The following ZNF433 variants were observed in gnomAD, a reference collection of about 807,000 sequenced individuals.
ZNF433 encodes the protein zinc finger protein 433.
In ZNF433, 12 loss-of-function variants were observed where a neutral mutation model predicts 10.6. That is an observed-to-expected ratio of 1.13 (90% CI 0.72 to 1.83). ZNF433 has a LOEUF of 1.83. ZNF433 is among the 40% of genes most tolerant of loss of function. ZNF433 has a pLI of 0.00. For missense variants in ZNF433, 737 were observed against 798.0 expected (o/e 0.92, Z 0.92); for synonymous variants, 272 against 271.3 (o/e 1.00, Z -0.02).
intron 1 of ZNF433, chr19:12,026,318 T>C (rs1234593385): frequency 1.3e-5 from 3 of 228,748 alleles, no homozygotes; most frequent in East Asian, 2.7e-4. Context: ...TCAAGACTGA[T>C]GCTGAGGAGG....
chr19:12,016,428 A>T lies in ZNF433; in HGVS notation c.430T>A (p.Cys144Ser), dbSNP rs770533887. The change falls in exon 4 of 4, where the codon TGT (cysteine) becomes AGT (serine). Residue 144 changes from cysteine to serine, a missense_variant. Coordinates refer to ENST00000550507, the MANE Select transcript of ZNF433 (RefSeq NM_001308348.2). The part of the protein sequence containing the change: ...YGQKPYKCKY[C>S]KKPFNCLSSV... ...GAGAGACAGTTGAAAGGTTTTTTAC[A>T]GTATTTACATTTATATGGTTTCTGT... 1.1e-5 allele frequency: 17 copies of T among 1,614,092 alleles called. No homozygotes were observed. The highest frequency in any genetic ancestry group is 1.4e-5 in the Non-Finnish European group (17 of 1,180,026).
chr19:12,035,612 C>T lies in ZNF433; in HGVS notation c.-73G>A. 6.5e-7 allele frequency: 1 copy of T among 1,540,418 alleles called. No homozygotes were observed. The highest frequency in any genetic ancestry group is 8.8e-7 in the Non-Finnish European group (1 of 1,140,646). ...GGCGACAGAAGCTATGGCAGAGGCA[C>T]CTGAACCCTCTCGGAGGGGAAAGCC... On this transcript the variant is annotated 5_prime_UTR_variant, in exon 1 of 4. It adds an upstream start codon to the 5' untranslated region. Transcript: ENST00000550507.
chr19:12,017,356 C>A (rs1386124159), intron 3 of ZNF433, among the ~76,000 whole-genome samples: 1 of 151,874 alleles, frequency 6.6e-6, no homozygotes, highest in African/African-American at 2.4e-5. Flanking sequence ...GTGTCCACCA[C>A]GATGCCTGGC....
At chr19:12,024,208 A>C (rs766796379) in intron 1 of ZNF433, 2 of 152,244 alleles carry the variant, frequency 1.3e-5, no homozygotes, top group Non-Finnish European at 2.9e-5. Context: ...AACTGACTTA[A>C]GAGCCATTAA....
rs1489051328 is a variant in ZNF433, at chr19:12,035,007, T to C, written c.3+530A>G. The C allele has an allele frequency of 8.0e-6, 3 of 374,040 alleles. No individual in the cohort carries two copies. In the Admixed American group the frequency reaches 9.5e-5, roughly 12 times the overall value. The allele number at this position is 374,040 out of a possible 1,614,324, so 23.2% of individuals were successfully genotyped here. On this transcript the variant is annotated intron_variant, in intron 1 of 3. Coordinates refer to ENST00000550507, the MANE Select transcript of ZNF433 (RefSeq NM_001308348.2). ...CTTCTTTAAGTTATTTTACACAGCT[T>C]GGCATTTTCCGTTAACAAATTACAA...
rs1042670030 is a variant in ZNF433, at chr19:12,014,955, T to C, written c.1903A>G (p.Arg635Gly). Residue 635 changes from arginine to glycine, a missense_variant, in exon 4 of 4, where the codon AGG becomes GGG. Coordinates refer to ENST00000550507, the MANE Select transcript of ZNF433 (RefSeq NM_001308348.2). ...GCPSNLRRHG[R>G]THTGEKPYKC... ...TAGGGTTTCTCTCCAGTGTGAGTCC[T>C]TCCATGCCTTCGAAGGTTTGAGGGA... is the stretch of plus-strand genomic sequence containing the variant. The C allele has an allele frequency of 4.3e-6, 7 of 1,613,908 alleles. No individual in the cohort carries two copies. The highest frequency in any genetic ancestry group is 1.3e-5 in the African/African-American group (1 of 74,898).
intron 1 of ZNF433, among the ~76,000 whole-genome samples, chr19:12,019,308 T>G (rs1423501276): frequency 3.9e-5 from 6 of 151,954 alleles, no homozygotes; most frequent in African/African-American, 1.5e-4. Flanking sequence ...GCAATTCCAC[T>G]ACTTGGGAGG....
intron 1 of ZNF433, among the ~76,000 whole-genome samples, chr19:12,029,445 C>T (rs1360867214): frequency 6.8e-6 from 1 of 146,846 alleles, no homozygotes; most frequent in Non-Finnish European, 1.5e-5. Flanking sequence ...TTACTTGAAC[C>T]CGGGAGGCGG....
In ZNF433 at chr19:12,016,186, T is replaced by C. The variant is rs376922368; in HGVS notation, c.672A>G (p.Gln224=). 28 of 1,614,060 alleles carry C rather than the reference T, an allele frequency of 1.7e-5. No homozygotes were observed. The highest frequency in any genetic ancestry group is 2.2e-5 in the East Asian group (1 of 44,884). Residue 224 remains glutamine (Q), a synonymous_variant, in exon 4 of 4, where the codon CAA becomes CAG. Coordinates refer to ENST00000550507, the MANE Select transcript of ZNF433 (RefSeq NM_001308348.2). ...KRTHTGEKPY[Q]CKQCGKAFSH... ...TAAAGGCTTTACCACACTGTTTACA[T>C]TGATATGGTTTCTCTCCAGTGTGAG...
At chr19:12,031,317 A>AAAAAAAAAAAAAAAAAAC (rs1568342004) in intron 1 of ZNF433, among the ~76,000 whole-genome samples, 3 of 116,972 alleles carry the variant, frequency 2.6e-5, no homozygotes, top group African/African-American at 1.1e-4. Flanking sequence ...AAAACAAAAC[A>AAAAAAAAAAAAAAAAAAC]AAAAAAAAAA....
intron 1 of ZNF433, chr19:12,026,857 T>C (rs1393679659): frequency 4.4e-6 from 2 of 453,856 alleles, no homozygotes; most frequent in Non-Finnish European, 8.8e-6. Context: ...CTGAACAAAA[T>C]GGTCAGATGG....
chr19:12,020,886 A>T (rs899758533), intron 1 of ZNF433, among the ~76,000 whole-genome samples: 3 of 150,424 alleles, frequency 2.0e-5, no homozygotes, highest in African/African-American at 7.4e-5. Context: ...CCTGGGCGAC[A>T]GAGCGAGACT....
At chr19:12,017,091 G>A (rs1224156641) in intron 3 of ZNF433, among the ~76,000 whole-genome samples, 1 of 152,114 alleles carries the variant, frequency 6.6e-6, no homozygotes, top group African/African-American at 2.4e-5. Context: ...TTTCTGCCCT[G>A]TCTGAATTGT....
At chr19:12,033,309 C>G (rs574152626) in intron 1 of ZNF433, among the ~76,000 whole-genome samples, 14 of 152,248 alleles carry the variant, frequency 9.2e-5, no homozygotes, top group Non-Finnish European at 1.9e-4. Context: ...ATTGGCCAGG[C>G]TGGTCTCAAA....
chr19:12,030,602 T>A (rs1974970740), intron 1 of ZNF433, among the ~76,000 whole-genome samples: 1 of 152,152 alleles, frequency 6.6e-6, no homozygotes, highest in Admixed American at 6.6e-5. Flanking sequence ...GCACTAGCCC[T>A]AGAATACATC....
chr19:12,031,156 T>C (rs539408521), intron 1 of ZNF433, among the ~76,000 whole-genome samples: 2 of 151,724 alleles, frequency 1.3e-5, no homozygotes, highest in Non-Finnish European at 2.9e-5. Context: ...ATTAGCTGGA[T>C]GTGGTAGTGC....
chr19:12,024,132 A>G (rs1974625214), intron 1 of ZNF433: 1 of 152,236 alleles, frequency 6.6e-6, no homozygotes, highest in African/African-American at 2.4e-5. Context: ...ACATAGCTCC[A>G]ACATTTCCCC....
rs373076819 is a variant in ZNF433 at position 12,019,240 on chromosome 19, G to A, written c.4-948C>T. Among the ~76,000 whole-genome samples, 12 of 152,044 alleles carry A rather than the reference G, an allele frequency of 7.9e-5. No individual in the cohort carries two copies. The East Asian group carries it at 9.7e-4, about 12-fold the overall frequency. ...GTTGGTGACCAGCCTGGCCAACATG[G>A]TGAAACACCGTCTCTACTAAAAATA... On this transcript the variant is annotated intron_variant, in intron 1 of 3. Transcript: ENST00000550507.
intron 1 of ZNF433, among the ~76,000 whole-genome samples, chr19:12,029,387 G>A (rs769428424): frequency 1.3e-5 from 2 of 151,850 alleles, no homozygotes; most frequent in Non-Finnish European, 2.9e-5. Flanking sequence ...CTGGCATGGT[G>A]GCATGTGCCT....
Sources: gnomAD v4.1 joint callset for allele counts (sites outside exome capture counted in the v4.1 genomes callset) on GRCh38, gnomAD v4.1.1 for gene constraint, MANE v1.5 for transcripts, NCBI Gene and HGNC (gene_info 2026-07-23, HGNC 2026-07-21) for gene names.